ZC3H12B: variants seen among roughly 807,000 people sequenced by gnomAD.
ZC3H12B encodes probable ribonuclease ZC3H12B.
In ZC3H12B, 7 loss-of-function variants were observed where a neutral mutation model predicts 43.9. The ratio of observed to expected loss-of-function variants is 0.16; its 90% CI spans 0.09 to 0.30. The LOEUF is 0.30. Ranked by LOEUF, ZC3H12B falls within the 10% of genes least tolerant of loss-of-function variation. The pLI is 1.00. For missense variants in ZC3H12B, 475 were observed against 670.2 expected (o/e 0.71, Z 3.22); for synonymous variants, 222 against 241.7 (o/e 0.92, Z 0.76).
the ZC3H12B span, among the ~76,000 whole-genome samples, chrX:65,125,076 ATTGT>A: frequency 0.014 from 1,538 of 109,609 alleles, 13 homozygotes; most frequent in Middle Eastern, 0.037. Context: ...GTGACCTTAG[ATTGT>A]TTGTTTGTGC....
the ZC3H12B span, among the ~76,000 whole-genome samples, chrX:65,349,339 C>T: frequency 1.7e-4 from 19 of 111,658 alleles, no homozygotes; most frequent in Non-Finnish European, 2.3e-4. Flanking sequence ...ACACAGTGTA[C>T]CAGAATCTCA....
chrX:65,298,887 G>T, the ZC3H12B span, among the ~76,000 whole-genome samples: 3 of 111,678 alleles, frequency 2.7e-5, no homozygotes, highest in Non-Finnish European at 5.6e-5. Context: ...CAGCAGGAAA[G>T]AGATGTGCCA....
chrX:65,323,825 T>C, the ZC3H12B span, among the ~76,000 whole-genome samples: 1 of 112,214 alleles, frequency 8.9e-6, no homozygotes, highest in African/African-American at 3.2e-5. Flanking sequence ...GTAAAAGTGT[T>C]CCCATTTCTT....
At chrX:65,162,091 G>C in the ZC3H12B span, among the ~76,000 whole-genome samples, 4 of 111,094 alleles carry the variant, frequency 3.6e-5, no homozygotes, top group Non-Finnish European at 7.5e-5. Context: ...GTTGAGTATT[G>C]GCCCCCACTC....
the ZC3H12B span, among the ~76,000 whole-genome samples, chrX:65,337,415 C>G: frequency 8.9e-6 from 1 of 112,245 alleles, no homozygotes; most frequent in African/African-American, 3.2e-5. Flanking sequence ...ACTCCATAGA[C>G]AGAATAGCCT....
chrX:65,361,480 A>G, the ZC3H12B span, among the ~76,000 whole-genome samples: 1 of 112,517 alleles, frequency 8.9e-6, no homozygotes, highest in East Asian at 2.8e-4. Flanking sequence ...ATTGTTAGAA[A>G]ATATAATTAC....
In ZC3H12B at chrX:65,375,937, C is replaced by T. The variant is rs183913588; in HGVS notation, n.295+6939C>T. On this transcript the variant is annotated intron_variant and non_coding_transcript_variant, in intron 2 of 5. Transcript: ENST00000617377. ...GAGGAAAAAGTAAAGGGGACTTTGT[C>T]TTGCACCTTAGGTACCAGCTTGGCC... Among the ~76,000 whole-genome samples the T allele has an allele frequency of 2.2e-3, 249 of 111,983 alleles. 2 individuals carry two copies. The highest frequency in any genetic ancestry group is 7.7e-3 in the African/African-American group (239 of 30,854).
the ZC3H12B span, among the ~76,000 whole-genome samples, chrX:65,207,322 T>A: frequency 1.8e-5 from 2 of 108,801 alleles, no homozygotes; most frequent in African/African-American, 6.7e-5. Flanking sequence ...AATAAAATAA[T>A]GGCATTTGAA....
the ZC3H12B span, among the ~76,000 whole-genome samples, chrX:65,305,330 T>TAA: frequency 9.4e-6 from 1 of 106,898 alleles, no homozygotes; most frequent in Non-Finnish European, 1.9e-5. Flanking sequence ...CTGCAACATT[T>TAA]AAAAAAAAAA....
chrX:65,500,978 C>A (rs1235255921), intron 4 of ZC3H12B, among the ~76,000 whole-genome samples: 1 of 110,857 alleles, frequency 9.0e-6, no homozygotes, highest in Non-Finnish European at 1.9e-5. Flanking sequence ...TTAATCTTTA[C>A]AATGACCCTA....
At chrX:65,071,026 A>T in the ZC3H12B span, among the ~76,000 whole-genome samples, 1 of 106,640 alleles carries the variant, frequency 9.4e-6, no homozygotes, top group African/African-American at 3.4e-5. Context: ...AACCTCAATG[A>T]TTTTTTTTCA....
At chrX:65,054,926 C>A in the ZC3H12B span, among the ~76,000 whole-genome samples, 9 of 111,548 alleles carry the variant, frequency 8.1e-5, no homozygotes, top group Non-Finnish European at 1.5e-4. Flanking sequence ...GTGATTTTTG[C>A]ACATTGATTT....
At chrX:65,504,922 CAGTT>C (rs1373976480) in exon 5 of ZC3H12B, 1 of 112,370 alleles carries the variant, frequency 8.9e-6, no homozygotes, top group Non-Finnish European at 1.9e-5. Flanking sequence ...ATAGCTGGCT[CAGTT>C]ACTCACTTTA....
chrX:65,226,265 C>T, the ZC3H12B span, among the ~76,000 whole-genome samples: 1 of 111,116 alleles, frequency 9.0e-6, no homozygotes, highest in African/African-American at 3.3e-5. Flanking sequence ...CATATCCAGC[C>T]AAACTAAGCT....
chrX:65,046,165 A>G, the ZC3H12B span, among the ~76,000 whole-genome samples: 3 of 111,605 alleles, frequency 2.7e-5, no homozygotes, highest in Non-Finnish European at 3.8e-5. Flanking sequence ...TAAAATCACC[A>G]TCTACATTAG....
chrX:65,282,650 G>A, the ZC3H12B span, among the ~76,000 whole-genome samples: 1 of 111,252 alleles, frequency 9.0e-6, no homozygotes, highest in African/African-American at 3.3e-5. Context: ...TATCACCACC[G>A]ATCCCAGAGA....
intron 3 of ZC3H12B, among the ~76,000 whole-genome samples, chrX:65,441,852 G>A (rs1335160344): frequency 9.0e-6 from 1 of 110,702 alleles, no homozygotes; most frequent in African/African-American, 3.3e-5. Context: ...TGAGGGAATG[G>A]CCTGAGCCAG....
At chrX:65,496,948 C>CAAAAAAAAAAAAAAAAAAAAAA (rs373400545) in intron 1 of ZC3H12B, among the ~76,000 whole-genome samples, 184 bp from the exon 7 acceptor site, 4 of 40,853 alleles carry the variant, frequency 9.8e-5, no homozygotes, top group African/African-American at 1.8e-4. Flanking sequence ...AAAGTGAGAC[C>CAAAAAAAAAAAAAAAAAAAAAA]AAAAAAAAAA....
At chrX:65,379,686 C>T (rs1005671876) in intron 2 of ZC3H12B, among the ~76,000 whole-genome samples, 9 of 111,748 alleles carry the variant, frequency 8.1e-5, no homozygotes, top group Non-Finnish European at 1.1e-4. Flanking sequence ...TCAAACCAAA[C>T]GCAAAGAAGT....
Sources: gnomAD v4.1 joint callset for allele counts (sites outside exome capture counted in the v4.1 genomes callset) on GRCh38, gnomAD v4.1.1 for gene constraint, MANE v1.5 for transcripts, NCBI Gene and HGNC (gene_info 2026-07-23, HGNC 2026-07-21) for gene names.